Variants in UNC5C observed in about 807,000 individuals in gnomAD.
UNC5C encodes unc-5 netrin receptor C.
Under a neutral mutation model 99.8 loss-of-function variants are expected in UNC5C, and 47 were observed. That is an observed-to-expected ratio of 0.47 (90% confidence interval 0.37 to 0.60). UNC5C has a LOEUF of 0.60. Ranked by LOEUF, UNC5C falls within the 20% of genes least tolerant of loss-of-function variation. UNC5C has a pLI of 0.00. For missense variants in UNC5C, 1,062 were observed against 1,165.9 expected (o/e 0.91, Z 1.30); for synonymous variants, 487 against 452.2 (o/e 1.08, Z -0.98).
chr4:95,192,310 T>C (rs1579216437), intron 12 of UNC5C, among the ~76,000 whole-genome samples: 2 of 103,038 alleles, frequency 1.9e-5, no homozygotes, highest in Admixed American at 9.9e-5. Context: ...CCTTCTCACC[T>C]CCTCCCCTGC....
At chr4:95,301,551 TC>T in intron 3 of UNC5C, 54 bp downstream of exon 3, 1 of 1,609,272 alleles carries the variant, frequency 6.2e-7, no homozygotes, top group Non-Finnish European at 8.5e-7. Context: ...GTGTAAACTT[TC>T]CCTTATGTGT....
At chr4:95,358,326 A>G (rs1174576175) in intron 1 of UNC5C, among the ~76,000 whole-genome samples, 1 of 152,178 alleles carries the variant, frequency 6.6e-6, no homozygotes, top group Non-Finnish European at 1.5e-5. Flanking sequence ...GCTTTGCAAG[A>G]AGAGTGTTAA....
chr4:95,179,857 A>G (rs1294231247), intron 14 of UNC5C, among the ~76,000 whole-genome samples: 1 of 151,492 alleles, frequency 6.6e-6, no homozygotes, highest in Non-Finnish European at 1.5e-5. Flanking sequence ...TGATAAACCA[A>G]CTTGGGGATA....
chr4:95,536,322 G>T (rs965374018), intron 1 of UNC5C, among the ~76,000 whole-genome samples: 8 of 151,902 alleles, frequency 5.3e-5, no homozygotes, highest in African/African-American at 1.9e-4. Flanking sequence ...GCGATCCACC[G>T]GCCTTGGCCT....
At chr4:95,258,746 C>CTTTTTTTTTTTTTTTTTTTTTTTTTT (rs775570031) in intron 4 of UNC5C, among the ~76,000 whole-genome samples, 3 of 76,044 alleles carry the variant, frequency 3.9e-5, no homozygotes, top group Non-Finnish European at 5.5e-5. Flanking sequence ...CCATCTTATT[C>CTTTTTTTTTTTTTTTTTTTTTTTTTT]TTTTTTTTTT....
chr4:95,266,868 T>C (rs544976829), intron 4 of UNC5C, among the ~76,000 whole-genome samples: 2 of 152,226 alleles, frequency 1.3e-5, no homozygotes, highest in Admixed American at 1.3e-4. Context: ...TTATAGCTGG[T>C]CACTAAATAT....
chr4:95,192,980 CT>C lies in UNC5C; in HGVS notation c.2137-7785del, dbSNP rs1367409304. The stretch of plus-strand genomic sequence containing the variant: ...TTTCCCTTTTTAGAAACCATACAGG[CT>C]AAAGAAAGGATGAAAGAAATGATTA... On this transcript the variant is annotated intron_variant, in intron 12 of 15. Coordinates refer to ENST00000453304, the MANE Select transcript of UNC5C (RefSeq NM_003728.4). Among the ~76,000 whole-genome samples, 4 of 152,194 alleles carry C rather than the reference CT, an allele frequency of 2.6e-5. No homozygotes were observed. The South Asian group carries it at 6.2e-4, about 24-fold the overall frequency.
At chr4:95,293,577 C>T (rs1741566204) in intron 3 of UNC5C, among the ~76,000 whole-genome samples, 1 of 152,008 alleles carries the variant, frequency 6.6e-6, no homozygotes, top group Non-Finnish European at 1.5e-5. Context: ...ACCTTGGCCT[C>T]CCAAGGTGCT....
At chr4:95,186,961 C>T (rs575063848) in intron 12 of UNC5C, among the ~76,000 whole-genome samples, 2 of 152,236 alleles carry the variant, frequency 1.3e-5, no homozygotes, top group African/African-American at 2.4e-5. Context: ...CACACACGCT[C>T]CTCACAGAAC....
chr4:95,272,642 G>A (rs1740703890), intron 4 of UNC5C, among the ~76,000 whole-genome samples: 1 of 152,190 alleles, frequency 6.6e-6, no homozygotes, highest in African/African-American at 2.4e-5. Flanking sequence ...CTGACTGCTA[G>A]TAAGGGAACC....
At chr4:95,382,969 T>A (rs10461129) in intron 1 of UNC5C, among the ~76,000 whole-genome samples, 88,500 of 151,996 alleles carry the variant, frequency 0.58, 26,143 homozygotes, top group East Asian at 0.7. Context: ...TATCAAAATC[T>A]GATTAACTTA....
At chr4:95,312,615 A>G (rs1433334409) in intron 2 of UNC5C, among the ~76,000 whole-genome samples, 1 of 152,184 alleles carries the variant, frequency 6.6e-6, no homozygotes, top group Admixed American at 6.6e-5. Flanking sequence ...AATAAGTACC[A>G]AAATAAAGAT....
intron 1 of UNC5C, among the ~76,000 whole-genome samples, chr4:95,397,721 A>G (rs1745556071): frequency 6.6e-6 from 1 of 152,212 alleles, no homozygotes; most frequent in Non-Finnish European, 1.5e-5. Context: ...AATCCTTTGG[A>G]CAAATGTCCG....
intron 4 of UNC5C, among the ~76,000 whole-genome samples, chr4:95,268,449 G>C (rs1740534900): frequency 6.6e-6 from 1 of 152,288 alleles, no homozygotes; most frequent in African/African-American, 2.4e-5. Context: ...GTGGACTTTG[G>C]TCAGGACCAT....
At chr4:95,463,731 C>G (rs1318454428) in intron 1 of UNC5C, among the ~76,000 whole-genome samples, 1 of 152,106 alleles carries the variant, frequency 6.6e-6, no homozygotes, top group Non-Finnish European at 1.5e-5. Context: ...ACATTTATAT[C>G]CATTTAACCA....
At chr4:95,548,594 G>T in intron 1 of UNC5C, 140 bp downstream of exon 1, 2 of 854,490 alleles carry the variant, frequency 2.3e-6, no homozygotes, top group Non-Finnish European at 1.7e-6. Flanking sequence ...TTGACTAGTT[G>T]GGAAAGTGGA....
intron 10 of UNC5C, among the ~76,000 whole-genome samples, chr4:95,207,649 A>T (rs1161383608): frequency 6.6e-6 from 1 of 152,052 alleles, no homozygotes; most frequent in Non-Finnish European, 1.5e-5. Context: ...CAGTCAAACT[A>T]CTCACTCAAT....
rs540340557 is a variant in UNC5C at position 95,419,470 on chromosome 4, T to C, written c.125-83839A>G. 1.1e-4 allele frequency among the ~76,000 whole-genome samples: 16 copies of C among 152,312 alleles called. No homozygotes were observed. In the South Asian group the frequency reaches 1.9e-3, roughly 18 times the overall value. On this transcript the variant is annotated intron_variant, in intron 1 of 15. Transcript: ENST00000453304. The stretch of plus-strand genomic sequence containing the variant: ...AAGAAATCATAATTGATCTTCTGGC[T>C]TTTTGAGAAAAGGTGAACACTGAAA...
chr4:95,480,072 A>G (rs746020665), intron 1 of UNC5C, among the ~76,000 whole-genome samples: 2 of 151,496 alleles, frequency 1.3e-5, no homozygotes, highest in Non-Finnish European at 1.5e-5. Flanking sequence ...CCTAGACTGG[A>G]ACTATGCCAT....
Sources: gnomAD v4.1 joint callset for allele counts (sites outside exome capture counted in the v4.1 genomes callset) on GRCh38, gnomAD v4.1.1 for gene constraint, MANE v1.5 for transcripts, NCBI Gene and HGNC (gene_info 2026-07-23, HGNC 2026-07-21) for gene names.